Variants in UBASH3B observed in about 807,000 individuals in gnomAD.
UBASH3B encodes ubiquitin associated and SH3 domain containing B.
Under a neutral mutation model 83.4 loss-of-function variants are expected in UBASH3B, and 37 were observed. That is an observed-to-expected ratio of 0.44 (90% CI 0.34 to 0.58). UBASH3B has a LOEUF of 0.58. UBASH3B is among the 20% of genes least tolerant of loss of function. UBASH3B has a pLI of 0.01. For synonymous variants in UBASH3B, 304 were observed against 318.3 expected (o/e 0.96, Z 0.48); for missense variants, 657 against 827.2 (o/e 0.79, Z 2.52).
intron 1 of UBASH3B, among the ~76,000 whole-genome samples, chr11:122,760,516 G>T (rs757888085): frequency 6.6e-6 from 1 of 152,046 alleles, no homozygotes; most frequent in Admixed American, 6.5e-5. Context: ...ATGCACCACC[G>T]CACCTGGCTA....
chr11:122,788,218 T>C (rs1860988305), intron 5 of UBASH3B, among the ~76,000 whole-genome samples: 2 of 152,212 alleles, frequency 1.3e-5, no homozygotes, highest in African/African-American at 4.8e-5. Flanking sequence ...TCAGGATCTT[T>C]GTTAAAACTA....
In UBASH3B at chr11:122,803,027, A is replaced by G. The variant is rs78041820; in HGVS notation, c.1595+1695A>G. ...AGAATCGTCCTACCTGAGCCTGTCAATGTACACTCAGATACACACCCCACC... is the reference window on the plus strand; with the variant it reads ...AGAATCGTCCTACCTGAGCCTGTCAGTGTACACTCAGATACACACCCCACC... On this transcript the variant is annotated intron_variant, in intron 11 of 13. Transcript: ENST00000284273. Among the ~76,000 whole-genome samples the G allele has an allele frequency of 4.1e-4, 63 of 152,284 alleles. 1 individual carries two copies. In the East Asian group the frequency reaches 0.011, roughly 28 times the overall value.
intron 10 of UBASH3B, among the ~76,000 whole-genome samples, chr11:122,800,310 C>T (rs1343358037): frequency 1.4e-5 from 2 of 144,550 alleles, no homozygotes; most frequent in Admixed American, 1.4e-4. Context: ...GAGGCCGAGG[C>T]GGGCGGTTCA....
At position 122,703,519 on chromosome 11, in the gene UBASH3B, A is replaced by G. The variant is rs537792168; in HGVS notation, c.161+47309A>G. On this transcript the variant is annotated intron_variant, in intron 1 of 13. Coordinates refer to ENST00000284273, the MANE Select transcript of UBASH3B (RefSeq NM_032873.5). ...AAATGATGCTTATTCCCTTGGAAATATGGGGGAAAATGCCTGCAAGTCATA... is the reference window on the plus strand; with the variant it reads ...AAATGATGCTTATTCCCTTGGAAATGTGGGGGAAAATGCCTGCAAGTCATA... Among the ~76,000 whole-genome samples the G allele has an allele frequency of 2.0e-5, 3 of 152,260 alleles. No individual in the cohort carries two copies. The East Asian group carries it at 5.8e-4, about 29-fold the overall frequency.
chr11:122,663,316 C>A (rs1790886761), intron 1 of UBASH3B, among the ~76,000 whole-genome samples: 2 of 152,124 alleles, frequency 1.3e-5, no homozygotes, highest in Non-Finnish European at 2.9e-5. Flanking sequence ...GTTTTTAGAC[C>A]ATGTTCGAGC....
chr11:122,680,382 A>T (rs960008001), intron 1 of UBASH3B, among the ~76,000 whole-genome samples: 4 of 152,266 alleles, frequency 2.6e-5, no homozygotes, highest in African/African-American at 9.6e-5. Flanking sequence ...TCAGAGTGGG[A>T]CAGTGACTTG....
At chr11:122,748,365 G>T (rs1861151848) in intron 1 of UBASH3B, among the ~76,000 whole-genome samples, 1 of 152,134 alleles carries the variant, frequency 6.6e-6, no homozygotes, top group Non-Finnish European at 1.5e-5. Flanking sequence ...TCTTCATCCA[G>T]ATTCAGTAAC....
In UBASH3B at chr11:122,800,498, G is replaced by A. The variant is rs1379204817; in HGVS notation, c.1451-690G>A. ...GAACCCAGGAGGCGGAGGTTGCAGT[G>A]AGCCGAGACTGTACCACTGCACTTC... On this transcript the variant is annotated intron_variant, in intron 10 of 13. Coordinates refer to ENST00000284273, the MANE Select transcript of UBASH3B (RefSeq NM_032873.5). Among the ~76,000 whole-genome samples, 9 of 151,652 alleles carry A rather than the reference G, an allele frequency of 5.9e-5. No individual in the cohort carries two copies. The East Asian group carries it at 1.7e-3, about 29-fold the overall frequency.
chr11:122,710,906 A>T lies in UBASH3B; in HGVS notation c.161+54696A>T, dbSNP rs543081564. 1.6e-3 allele frequency among the ~76,000 whole-genome samples: 244 copies of T among 152,320 alleles called. 1 individual carries two copies. The highest frequency in any genetic ancestry group is 6.8e-3 in the Middle Eastern group (2 of 294). ...AGAGCAGCCATGGGAACATAAAGGC[A>T]TATACCCTGGATTTTCAGGGATAAT... On this transcript the variant is annotated intron_variant, in intron 1 of 13. Coordinates refer to ENST00000284273, the MANE Select transcript of UBASH3B (RefSeq NM_032873.5).
chr11:122,665,053 C>T (rs894428372), intron 1 of UBASH3B, among the ~76,000 whole-genome samples: 22 of 152,112 alleles, frequency 1.4e-4, no homozygotes, highest in East Asian at 1.9e-4. Flanking sequence ...GGACTACAGG[C>T]GCCCGCCAAT....
chr11:122,778,328 A>G (rs1262803829), intron 3 of UBASH3B, among the ~76,000 whole-genome samples: 1 of 151,910 alleles, frequency 6.6e-6, no homozygotes, highest in Non-Finnish European at 1.5e-5. Context: ...CTTTCTCAAA[A>G]CCCTTCAGAG....
At position 122,768,551 on chromosome 11, in the gene UBASH3B, G is replaced by A. The variant is rs146753375; in HGVS notation, c.162-7668G>A. On this transcript the variant is annotated intron_variant, in intron 1 of 13. Transcript: ENST00000284273. ...GACTGAGCCTCACTCTATCGCCCAC[G>A]CTGGAGTGCAGTGGCACAATCTCGG... Among the ~76,000 whole-genome samples the A allele has an allele frequency of 9.7e-3, 1,418 of 146,262 alleles. 12 individuals carry two copies. Among genetic ancestry groups the A allele is most frequent in the Middle Eastern group, 0.027 (7 of 260 alleles).
chr11:122,808,272 A>C lies in UBASH3B; in HGVS notation c.1812+96A>C, dbSNP rs1013283039. 4.6e-5 allele frequency: 45 copies of C among 974,688 alleles called. 1 individual carries two copies. The South Asian group carries it at 5.7e-4, about 12-fold the overall frequency. The allele number at this position is 974,688 out of a possible 1,614,324, so 60.4% of individuals were successfully genotyped here. A position where few individuals can be genotyped will look rare whatever the true frequency, so the allele number is the denominator to read the frequency against. Reference sequence around the variant, plus strand: ...ACCAAGTTCTTTGAAGCATGTGTTTATGCTGAGCTGGGAATATTCATTTAT... The same window carrying C: ...ACCAAGTTCTTTGAAGCATGTGTTTCTGCTGAGCTGGGAATATTCATTTAT... On this transcript the variant is annotated intron_variant, in intron 13 of 13. Coordinates refer to ENST00000284273, the MANE Select transcript of UBASH3B (RefSeq NM_032873.5).
intron 1 of UBASH3B, among the ~76,000 whole-genome samples, chr11:122,681,539 C>G: frequency 6.6e-6 from 1 of 152,196 alleles, no homozygotes; most frequent in East Asian, 1.9e-4. Context: ...CATGGATAAG[C>G]TTCCCTCCAA....
chr11:122,714,984 C>T (rs1298994412), intron 1 of UBASH3B, among the ~76,000 whole-genome samples: 3 of 152,102 alleles, frequency 2.0e-5, no homozygotes, highest in Non-Finnish European at 2.9e-5. Context: ...CTCGCTCTGT[C>T]GCCCGGGCTG....
chr11:122,742,935 C>T (rs190488476), intron 1 of UBASH3B, among the ~76,000 whole-genome samples: 222 of 152,246 alleles, frequency 1.5e-3, no homozygotes, highest in South Asian at 5.4e-3. Context: ...TGAGCCTGGC[C>T]GGCTAGAGTT....
At chr11:122,695,929 C>T (rs917513971) in intron 1 of UBASH3B, among the ~76,000 whole-genome samples, 9 of 152,088 alleles carry the variant, frequency 5.9e-5, no homozygotes, top group African/African-American at 1.9e-4. Flanking sequence ...GCCTGATAAC[C>T]AAATAGTTTT....
intron 4 of UBASH3B, 162 bp from the exon 5 acceptor site, chr11:122,782,891 A>AC: frequency 2.5e-6 from 2 of 797,558 alleles, no homozygotes; most frequent in Non-Finnish European, 4.0e-6. Flanking sequence ...CCATCCCCTT[A>AC]CCCCCTTATT....
intron 1 of UBASH3B, among the ~76,000 whole-genome samples, chr11:122,722,518 G>A (rs902056877): frequency 2.0e-5 from 3 of 152,116 alleles, no homozygotes; most frequent in Non-Finnish European, 2.9e-5. Context: ...AGTGGCAGAA[G>A]GAACCATCTA....
Sources: gnomAD v4.1 joint callset for allele counts (sites outside exome capture counted in the v4.1 genomes callset) on GRCh38, gnomAD v4.1.1 for gene constraint, MANE v1.5 for transcripts, NCBI Gene and HGNC (gene_info 2026-07-23, HGNC 2026-07-21) for gene names.